The following TAF1 variants were observed in gnomAD, a reference collection of about 807,000 sequenced individuals.
TAF1 encodes transcription initiation factor TFIID subunit 1.
In TAF1, 2 loss-of-function variants were observed where a neutral mutation model predicts 138.5. That is an observed-to-expected ratio of 0.01 (90% confidence interval 0.01 to 0.05). The LOEUF (loss-of-function observed/expected upper bound fraction) is 0.05, where lower values mean the gene tolerates loss of function less well. Among genes scored for constraint, TAF1 ranks in the 10% least tolerant of loss-of-function variants. TAF1 has a pLI of 1.00. For missense variants in TAF1, 709 were observed against 1,478.0 expected (o/e 0.48, Z 8.53); for synonymous variants, 437 against 503.2 (o/e 0.87, Z 1.76).
chrX:71,444,572 T>G (rs1193642012), intron 32 of TAF1, among the ~76,000 whole-genome samples: 7 of 109,740 alleles, frequency 6.4e-5, no homozygotes, highest in Non-Finnish European at 1.1e-4. Context: ...TTTCTAAAAT[T>G]TGTGTTTGGG....
intron 14 of TAF1, among the ~76,000 whole-genome samples, chrX:71,529,143 C>T (rs1419887674): frequency 2.7e-5 from 3 of 109,111 alleles, no homozygotes; most frequent in African/African-American, 6.7e-5. Context: ...GCAATCTCAG[C>T]TCACTGCAAC....
At position 71,387,533 on chromosome X, in the gene TAF1, T is replaced by A. The variant is rs893304404; in HGVS notation, c.2427+72T>A. The A allele has an allele frequency of 5.3e-5, 60 of 1,142,271 alleles. No homozygotes were observed. The Middle Eastern group carries it at 8.3e-4, about 16-fold the overall frequency. 94.1% of individuals were successfully genotyped at this position (1,142,271 alleles called of 1,213,427 possible). On this transcript the variant is annotated intron_variant, in intron 15 of 37. Transcript: ENST00000423759. Reference sequence around the variant, plus strand: ...GTATGTTGGGGCCGGGCATGGCGGCTCATGGCTGTAATCCCAGCACTTTGG... The same window carrying A: ...GTATGTTGGGGCCGGGCATGGCGGCACATGGCTGTAATCCCAGCACTTTGG...
At chrX:71,516,236 CTTT>C (rs41469947) in intron 13 of TAF1, among the ~76,000 whole-genome samples, 1 of 89,351 alleles carries the variant, frequency 1.1e-5, no homozygotes. Flanking sequence ...TGATTTTTTG[CTTT>C]TTTTTTTTTT....
intron 13 of TAF1, among the ~76,000 whole-genome samples, chrX:71,489,615 G>C (rs1434296729): frequency 8.2e-5 from 9 of 109,158 alleles, no homozygotes; most frequent in African/African-American, 2.7e-4. Context: ...GGAGGAGGTT[G>C]CGGTGAGCTG....
chrX:71,387,566 C>T (rs1375404563), intron 15 of TAF1, 105 bp downstream of exon 15: 47 of 914,635 alleles, frequency 5.1e-5, no homozygotes, highest in African/African-American at 5.9e-5. Context: ...TGGGAGGCCG[C>T]GGTGAATGGA....
At chrX:71,516,098 G>A (rs1369374484) in intron 13 of TAF1, among the ~76,000 whole-genome samples, 2 of 109,527 alleles carry the variant, frequency 1.8e-5, no homozygotes, top group Admixed American at 9.9e-5. Context: ...GTCTCACTCC[G>A]TCATCCAGGC....
intron 13 of TAF1, among the ~76,000 whole-genome samples, chrX:71,482,257 A>G (rs375133301): frequency 6.7e-4 from 75 of 112,562 alleles, no homozygotes; most frequent in African/African-American, 2.2e-3. Context: ...CAATATGGCA[A>G]CTTGCAGCTT....
chrX:71,501,615 G>A (rs2039510234), intron 13 of TAF1, among the ~76,000 whole-genome samples: 1 of 111,291 alleles, frequency 9.0e-6, no homozygotes, highest in Non-Finnish European at 1.9e-5. Flanking sequence ...TCGGGACCCT[G>A]GAGCTGAATG....
intron 13 of TAF1, among the ~76,000 whole-genome samples, chrX:71,496,751 TTCTG>T (rs1427940576): frequency 9.0e-6 from 1 of 111,026 alleles, no homozygotes; most frequent in African/African-American, 3.3e-5. Flanking sequence ...CTCTCTGACT[TTCTG>T]TCTCTTTCTC....
chrX:71,370,329 C>T (rs1018976215), intron 3 of TAF1, among the ~76,000 whole-genome samples: 3 of 110,981 alleles, frequency 2.7e-5, no homozygotes, highest in African/African-American at 9.8e-5. Context: ...CCCTGTTCTA[C>T]CTCTCACTGC....
At chrX:71,479,770 A>T (rs1349177673) in intron 13 of TAF1, among the ~76,000 whole-genome samples, 1 of 111,328 alleles carries the variant, frequency 9.0e-6, no homozygotes, top group East Asian at 2.8e-4. Context: ...ATTTTTATCT[A>T]CCATAAATGT....
rs1325036871 is a variant in TAF1, at chrX:71,459,785, G to A, written c.5221+77G>A. 1.1e-5 allele frequency: 13 copies of A among 1,161,479 alleles called. No individual in the cohort carries two copies. In the South Asian group the frequency reaches 2.7e-4, roughly 24 times the overall value. Reference sequence around the variant, plus strand: ...AGAACTGGACTGGATAGGCGCTCTTGGCCACATATGCTTTTATTGGAAGCT... The same window carrying A: ...AGAACTGGACTGGATAGGCGCTCTTAGCCACATATGCTTTTATTGGAAGCT... On this transcript the variant is annotated intron_variant, in intron 36 of 37. Transcript: ENST00000423759.
At chrX:71,407,780 C>G (rs1238205646) in intron 27 of TAF1, 108 bp downstream of exon 27, 3 of 995,281 alleles carry the variant, frequency 3.0e-6, no homozygotes, top group Non-Finnish European at 4.1e-6. Context: ...ACTGGAATGC[C>G]TAATTTTTAG....
intron 13 of TAF1, among the ~76,000 whole-genome samples, chrX:71,503,228 G>A (rs1325098746): frequency 1.2e-4 from 12 of 100,515 alleles, no homozygotes; most frequent in African/African-American, 3.7e-4. Context: ...CCAAGATCCC[G>A]ACACTACACT....
At chrX:71,418,939 G>A (rs1345310192) in intron 28 of TAF1, among the ~76,000 whole-genome samples, 1 of 110,475 alleles carries the variant, frequency 9.1e-6, no homozygotes, top group Non-Finnish European at 1.9e-5. Flanking sequence ...AGCTAATTTT[G>A]TATTTTTAGT....
Position 71,400,693 on chromosome X carries a change from T to A in TAF1, c.3787-835T>A, listed in dbSNP as rs150732961. On this transcript the variant is annotated intron_variant, in intron 24 of 37. Coordinates refer to ENST00000423759, the MANE Select transcript of TAF1 (RefSeq NM_004606.5). The stretch of plus-strand genomic sequence containing the variant: ...ACCTCTCCAAACTTGTTTTCTCTAA[T>A]ATCAAATGATATGTCCACAGTGTTG... 7.8e-3 allele frequency among the ~76,000 whole-genome samples: 881 copies of A among 112,284 alleles called. 12 individuals are homozygous for A. The highest frequency in any genetic ancestry group is 0.027 in the African/African-American group (830 of 30,991).
At chrX:71,393,522 G>A (rs1377608879) in intron 21 of TAF1, 46 bp downstream of exon 21, 7 of 1,146,359 alleles carry the variant, frequency 6.1e-6, no homozygotes, top group Non-Finnish European at 6.9e-6. Flanking sequence ...GAAAGGGGGA[G>A]GAGTTCCAGG....
At chrX:71,367,039 C>G (rs1157718021) in intron 1 of TAF1, among the ~76,000 whole-genome samples, 1 of 112,067 alleles carries the variant, frequency 8.9e-6, no homozygotes, top group Non-Finnish European at 1.9e-5. Flanking sequence ...GTCCTGCGCC[C>G]TAGTGAAACT....
At chrX:71,513,594 G>C (rs1485888065) in intron 13 of TAF1, among the ~76,000 whole-genome samples, 1 of 111,483 alleles carries the variant, frequency 9.0e-6, no homozygotes, top group East Asian at 2.8e-4. Flanking sequence ...GGTTAAGAAA[G>C]GTTGAGGCCA....
Sources: allele counts gnomAD v4.1 joint callset (sites outside exome capture counted in the v4.1 genomes callset), GRCh38; gene constraint gnomAD v4.1.1; transcripts MANE v1.5; gene names NCBI Gene and HGNC (gene_info 2026-07-23, HGNC 2026-07-21).